Variants in ADAMTS17 observed in about 807,000 individuals in gnomAD.
ADAMTS17 encodes the protein ADAM metallopeptidase with thrombospondin type 1 motif 17, also known as A disintegrin and metalloproteinase with thrombospondin motifs 17.
ADAMTS17 carries 113 observed loss-of-function variants against 141.5 expected under a neutral mutation model. The ratio of observed to expected loss-of-function variants is 0.80; its 90% CI spans 0.69 to 0.93. The LOEUF is 0.93. ADAMTS17 is among the 40% of genes least tolerant of loss of function. The probability of loss-of-function intolerance (pLI) is 0.00; values close to 1 mark genes in which losing one functional copy is unlikely to be tolerated. For missense variants in ADAMTS17, 1,659 were observed against 1,517.9 expected (o/e 1.09, Z -1.54); for synonymous variants, 768 against 630.6 (o/e 1.22, Z -3.27).
chr15:100,210,230 C>CAAAAAAAA (rs34086690), intron 7 of ADAMTS17, among the ~76,000 whole-genome samples: 1 of 31,214 alleles, frequency 3.2e-5, no homozygotes, highest in Non-Finnish European at 5.9e-5. Context: ...GACTCCATCT[C>CAAAAAAAA]AAAAAAAAAA....
At chr15:99,979,511 G>A (rs1247531594) in intron 20 of ADAMTS17, 3 of 152,238 alleles carry the variant, frequency 2.0e-5, no homozygotes, top group Non-Finnish European at 2.9e-5. Flanking sequence ...ACAAAGCCAC[G>A]GAGCCGAACG....
intron 21 of ADAMTS17, among the ~76,000 whole-genome samples, chr15:99,975,729 G>T (rs1421124859): frequency 6.6e-6 from 1 of 152,174 alleles, no homozygotes; most frequent in Admixed American, 6.5e-5. Context: ...TTTCTAGAAA[G>T]AAGCACTTCC....
intron 3 of ADAMTS17, among the ~76,000 whole-genome samples, chr15:100,309,247 G>A (rs575598701): frequency 6.6e-6 from 1 of 152,350 alleles, no homozygotes; most frequent in South Asian, 2.1e-4. Context: ...CCAGGTACTC[G>A]GAGGCATGTG....
chr15:100,103,921 A>G (rs1376979633), intron 14 of ADAMTS17, among the ~76,000 whole-genome samples: 1 of 152,200 alleles, frequency 6.6e-6, no homozygotes, highest in Non-Finnish European at 1.5e-5. Flanking sequence ...GCCAGTGTAT[A>G]GGGAAGCACA....
rs781647398 is a variant in ADAMTS17, at chr15:100,054,070, A to C, written c.2138-16T>G. Reference sequence around the variant, plus strand: ...TCTTTGAGAGCTAGAAAGCAAGTTGAAGACCAAAGAATCAAGGGGCTGGGG... The same window carrying C: ...TCTTTGAGAGCTAGAAAGCAAGTTGCAGACCAAAGAATCAAGGGGCTGGGG... On this transcript the variant is annotated splice_polypyrimidine_tract_variant and intron_variant, in intron 15 of 21. Transcript: ENST00000268070. 2.2e-5 allele frequency: 35 copies of C among 1,614,034 alleles called. No homozygotes were observed. The highest frequency in any genetic ancestry group is 8.5e-7 in the Non-Finnish European group (1 of 1,180,016).
chr15:100,132,961 A>G (rs2038130054), intron 11 of ADAMTS17, among the ~76,000 whole-genome samples: 1 of 152,212 alleles, frequency 6.6e-6, no homozygotes, highest in African/African-American at 2.4e-5. Context: ...TTTTAAGTAA[A>G]TTTCCTTACA....
chr15:100,118,205 C>A (rs1161340957), intron 12 of ADAMTS17, among the ~76,000 whole-genome samples: 2 of 152,216 alleles, frequency 1.3e-5, no homozygotes, highest in East Asian at 3.8e-4. Context: ...TACTGTGGCA[C>A]AAAAGCAGCT....
chr15:100,301,355 G>C (rs1337164189), intron 3 of ADAMTS17, among the ~76,000 whole-genome samples: 1 of 150,804 alleles, frequency 6.6e-6, no homozygotes, highest in Non-Finnish European at 1.5e-5. Context: ...CTGAGACGGA[G>C]TCTCTGTTGC....
Position 100,341,828 on chromosome 15 carries a change from C to A in ADAMTS17, c.72G>T (p.Pro24=). The A allele has an allele frequency of 3.2e-6, 5 of 1,551,528 alleles. No individual in the cohort carries two copies. The highest frequency in any genetic ancestry group is 1.4e-5 in the African/African-American group (1 of 73,150). ...TGTGGGAGGGGGCGCTACCTGTGCC[C>A]GGGTCCAGTCCCCAAACCAGCAGCA... The part of the protein sequence containing the change: ...VLLLLVWGLD[P]GTAVGDAAAD... Residue 24 remains proline, a synonymous_variant, in exon 1 of 22, where the codon CCG becomes CCT. Coordinates refer to ENST00000268070, the MANE Select transcript of ADAMTS17 (RefSeq NM_139057.4).
intron 3 of ADAMTS17, among the ~76,000 whole-genome samples, chr15:100,325,943 G>C (rs1015522971): frequency 3.3e-5 from 5 of 152,100 alleles, no homozygotes; most frequent in African/African-American, 1.2e-4. Context: ...TCAACGCCTT[G>C]ATCCCACACT....
Position 100,262,373 on chromosome 15 carries a change from A to G in ADAMTS17, c.852T>C (p.Leu284=). ...GIKINIQVTK[L]VLLRQRPAKL... ...TTACGGGACGTTGTCGTAGCAGGAC[A>G]AGCTTGGTCACTTGAATGTTAATTT... Residue 284 remains leucine (L), a synonymous_variant, in exon 5 of 22, where the codon CTT becomes CTC. Transcript: ENST00000268070. The G allele has an allele frequency of 1.2e-6, 2 of 1,614,062 alleles. No individual in the cohort carries two copies. The highest frequency in any genetic ancestry group is 1.7e-6 in the Non-Finnish European group (2 of 1,179,982).
At chr15:100,340,643 G>A (rs1169181954) in intron 2 of ADAMTS17, among the ~76,000 whole-genome samples, 2 of 152,096 alleles carry the variant, frequency 1.3e-5, no homozygotes, top group African/African-American at 4.8e-5. Flanking sequence ...ACGTACACAG[G>A]TACTCCCGTG....
intron 3 of ADAMTS17, among the ~76,000 whole-genome samples, chr15:100,328,002 T>C (rs1379572366): frequency 6.6e-6 from 1 of 152,192 alleles, no homozygotes; most frequent in Non-Finnish European, 1.5e-5. Context: ...GAGTGCTTCA[T>C]GGAGGAAGTT....
intron 17 of ADAMTS17, among the ~76,000 whole-genome samples, 196 bp downstream of exon 17, chr15:100,051,376 T>TG (rs1363749678): frequency 1.3e-5 from 2 of 152,196 alleles, no homozygotes; most frequent in Admixed American, 1.3e-4. Context: ...AGCAGAGGTA[T>TG]GGGCATGACC....
At chr15:100,241,211 T>C (rs528277702) in intron 7 of ADAMTS17, among the ~76,000 whole-genome samples, 1 of 152,248 alleles carries the variant, frequency 6.6e-6, no homozygotes, top group Admixed American at 6.5e-5. Flanking sequence ...AAGTTAAATT[T>C]TCTTCCCCTA....
intron 18 of ADAMTS17, among the ~76,000 whole-genome samples, chr15:100,017,088 T>G (rs2061305590): frequency 6.6e-6 from 1 of 152,124 alleles, no homozygotes. Context: ...AATGGAGTTG[T>G]GTACCTAGGA....
chr15:100,073,518 G>A (rs1242880360), intron 15 of ADAMTS17, among the ~76,000 whole-genome samples: 2 of 151,844 alleles, frequency 1.3e-5, no homozygotes, highest in African/African-American at 4.9e-5. Flanking sequence ...CAACCCAAAT[G>A]TCCAATAATG....
chr15:100,169,791 C>T (rs565248977), intron 8 of ADAMTS17, among the ~76,000 whole-genome samples: 3 of 152,306 alleles, frequency 2.0e-5, no homozygotes, highest in South Asian at 4.1e-4. Flanking sequence ...CATCTGGTCA[C>T]GGGGCACTGG....
chr15:100,080,925 G>A (rs1477068593), intron 15 of ADAMTS17, among the ~76,000 whole-genome samples: 1 of 152,186 alleles, frequency 6.6e-6, no homozygotes, highest in East Asian at 1.9e-4. Flanking sequence ...GACTATGTGT[G>A]TTCTCAGGAG....
Sources: gnomAD v4.1 joint callset for allele counts (sites outside exome capture counted in the v4.1 genomes callset) on GRCh38, gnomAD v4.1.1 for gene constraint, MANE v1.5 for transcripts, NCBI Gene and HGNC (gene_info 2026-07-23, HGNC 2026-07-21) for gene names.